The following EPS8 variants were observed in gnomAD, a reference collection of about 807,000 sequenced individuals.
The protein encoded by EPS8 is epidermal growth factor receptor kinase substrate 8.
Under a neutral mutation model 103.8 loss-of-function variants are expected in EPS8, and 42 were observed. The ratio of observed to expected loss-of-function variants is 0.40; its 90% CI spans 0.32 to 0.52. The LOEUF (loss-of-function observed/expected upper bound fraction) is 0.52. Ranked by LOEUF, EPS8 falls within the 20% of genes least tolerant of loss-of-function variation. EPS8 has a pLI of 0.40. For missense variants in EPS8, 969 were observed against 1,005.1 expected (o/e 0.96, Z 0.49); for synonymous variants, 344 against 344.6 (o/e 1.00, Z 0.02).
At chr12:15,763,864 A>G (rs981954567) in intron 1 of EPS8, among the ~76,000 whole-genome samples, 2 of 152,222 alleles carry the variant, frequency 1.3e-5, no homozygotes, top group African/African-American at 2.4e-5. Context: ...ACTTTTTTAC[A>G]AAGGTATACA....
Position 15,757,933 on chromosome 12 carries a change from C to T in EPS8, c.-22+31228G>A, listed in dbSNP as rs529587731. On this transcript the variant is annotated intron_variant, in intron 1 of 20. Transcript: ENST00000281172. The surrounding 1 kb of genome is among the most constrained non-coding windows in gnomAD (Gnocchi z 4.1). ...TCTCAGCTGGAACAGCTATCTGCTC[C>T]TCATGCCTACTCAACTGGAAAACTC... Among the ~76,000 whole-genome samples the T allele has an allele frequency of 1.3e-5, 2 of 152,304 alleles. No individual in the cohort carries two copies. Among genetic ancestry groups the T allele is most frequent in the South Asian group, 4.1e-4 (2 of 4,832 alleles).
intron 13 of EPS8, among the ~76,000 whole-genome samples, chr12:15,652,749 T>A (rs1330578845): frequency 6.6e-6 from 1 of 152,178 alleles, no homozygotes; most frequent in East Asian, 1.9e-4. Context: ...TCAAAGAATT[T>A]TCTGCTTAAC....
rs1247395205 is a variant in EPS8, at chr12:15,700,893, A to AT, written c.-21-17922dup. Among the ~76,000 whole-genome samples the AT allele has an allele frequency of 6.6e-6, 1 of 152,174 alleles. No individual in the cohort carries two copies. Among genetic ancestry groups the AT allele is most frequent in the Non-Finnish European group, 1.5e-5 (1 of 68,024 alleles). On this transcript the variant is annotated intron_variant, in intron 1 of 20. Transcript: ENST00000281172. The surrounding 1 kb of genome is among the most constrained non-coding windows in gnomAD (Gnocchi z 5.1). ...ATCACAAAATAGACAAAGGACATAT[A>AT]TTTTCTAAACCCAGCCAGGTTTCAA... is the stretch of plus-strand genomic sequence containing the variant.
chr12:15,753,341 C>T (rs1457785388), intron 1 of EPS8, among the ~76,000 whole-genome samples: 1 of 152,126 alleles, frequency 6.6e-6, no homozygotes, highest in Non-Finnish European at 1.5e-5. Flanking sequence ...TGGAAGATCT[C>T]GATGAAGCTC....
rs920968385 is a variant in EPS8, at chr12:15,688,191, A to G, written c.-21-5219T>C. ...TTAATGAGCCCCCAGTTCATAAGAC[A>G]TTTTACAAATATCACCTCACTTTAT... is the stretch of plus-strand genomic sequence containing the variant. On this transcript the variant is annotated intron_variant, in intron 1 of 20. Transcript: ENST00000281172. This position sits in a 1 kb window ranked among gnomAD's most constrained non-coding sequence, Gnocchi z 5.1. 1.1e-4 allele frequency among the ~76,000 whole-genome samples: 16 copies of G among 152,210 alleles called. No homozygotes were observed. Among genetic ancestry groups the G allele is most frequent in the Admixed American group, 1.0e-3 (16 of 15,286 alleles).
At chr12:15,651,299 G>C (rs947708964) in intron 13 of EPS8, among the ~76,000 whole-genome samples, 2 of 152,166 alleles carry the variant, frequency 1.3e-5, no homozygotes, top group African/African-American at 4.8e-5. Flanking sequence ...CATGGATATA[G>C]GTTTTTAAAA....
intron 3 of EPS8, among the ~76,000 whole-genome samples, chr12:15,676,142 G>A (rs915770710): frequency 4.0e-5 from 6 of 151,554 alleles, no homozygotes; most frequent in Non-Finnish European, 7.4e-5. Flanking sequence ...GCGTGGTGGC[G>A]GGCGCCTGTA....
intron 1 of EPS8, among the ~76,000 whole-genome samples, chr12:15,753,794 C>T (rs1012221353): frequency 2.0e-5 from 3 of 152,160 alleles, no homozygotes; most frequent in African/African-American, 7.2e-5. Context: ...AAATAAATTC[C>T]ACTCCTGAAT....
At position 15,771,825 on chromosome 12, in the gene EPS8, AT is replaced by A. The variant is rs894550003; in HGVS notation, c.-22+17335del. Among the ~76,000 whole-genome samples the A allele has an allele frequency of 9.2e-5, 14 of 152,172 alleles. No homozygotes were observed. The highest frequency in any genetic ancestry group is 2.7e-4 in the African/African-American group (11 of 41,442). On this transcript the variant is annotated intron_variant, in intron 1 of 20. Coordinates refer to ENST00000281172, the MANE Select transcript of EPS8 (RefSeq NM_004447.6). This position sits in a 1 kb window ranked among gnomAD's most constrained non-coding sequence, Gnocchi z 4.6. ...GTGGCAGTATTGAGAGCTAATTTCA[AT>A]ACAAAAGAAAGGGGAAGGCCGGGGG...
intron 12 of EPS8, among the ~76,000 whole-genome samples, chr12:15,657,672 G>A (rs748863211): frequency 7.2e-4 from 109 of 152,236 alleles, no homozygotes; most frequent in South Asian, 1.9e-3. Context: ...TCGATAAAAA[G>A]AACATGGGTC....
chr12:15,655,687 C>A (rs1945495229), intron 12 of EPS8, among the ~76,000 whole-genome samples: 1 of 152,046 alleles, frequency 6.6e-6, no homozygotes, highest in African/African-American at 2.4e-5. Context: ...CCTGATTTAA[C>A]AGAAGGAAGA....
chr12:15,647,929 T>C (rs1273231975), intron 14 of EPS8, among the ~76,000 whole-genome samples: 1 of 152,148 alleles, frequency 6.6e-6, no homozygotes, highest in African/African-American at 2.4e-5. Flanking sequence ...ATGGGGATGG[T>C]TTTGGGATGA....
At position 15,789,042 on chromosome 12, in the gene EPS8, G is replaced by C. The variant is rs1947340339; in HGVS notation, c.-22+119C>G. 6.6e-6 allele frequency: 1 copy of C among 152,194 alleles called. No homozygotes were observed. Among genetic ancestry groups the C allele is most frequent in the Non-Finnish European group, 1.5e-5 (1 of 68,020 alleles). 9.4% of individuals were successfully genotyped at this position (152,194 alleles called of 1,614,324 possible). On this transcript the variant is annotated intron_variant, in intron 1 of 20. Coordinates refer to ENST00000281172, the MANE Select transcript of EPS8 (RefSeq NM_004447.6). The surrounding 1 kb of genome is among the most constrained non-coding windows in gnomAD (Gnocchi z 6.1). ...CAGTTGAAAGCAGTCAAAGTGAAGGGAGGCGGACGCGGCTCCTGGCACCGC... is the reference window on the plus strand; with the variant it reads ...CAGTTGAAAGCAGTCAAAGTGAAGGCAGGCGGACGCGGCTCCTGGCACCGC...
rs35603291 is a variant in EPS8 at position 15,769,795 on chromosome 12, T to C, written c.-22+19366A>G. ...AAATAAATTGGACACAGTACAAAAA[T>C]TTCCTGAACTTTCTGACCAAAGTCA... On this transcript the variant is annotated intron_variant, in intron 1 of 20. Transcript: ENST00000281172. This position sits in a 1 kb window ranked among gnomAD's most constrained non-coding sequence, Gnocchi z 4.6. Among the ~76,000 whole-genome samples the C allele has an allele frequency of 5.0e-4, 76 of 152,176 alleles. No homozygotes were observed. Among genetic ancestry groups the C allele is most frequent in the Non-Finnish European group, 9.1e-4 (62 of 68,012 alleles).
At chr12:15,670,787 G>T in intron 4 of EPS8, 69 bp downstream of exon 4, 2 of 1,077,524 alleles carry the variant, frequency 1.9e-6, no homozygotes, top group South Asian at 1.5e-5. Flanking sequence ...ACAGAATTCT[G>T]ATTTAACTTC....
At chr12:15,641,997 C>T (rs1945240006) in intron 15 of EPS8, among the ~76,000 whole-genome samples, 167 bp from the exon 16 acceptor site, 2 of 151,918 alleles carry the variant, frequency 1.3e-5, no homozygotes, top group Non-Finnish European at 2.9e-5. Context: ...CTTTAAAGTT[C>T]TTGCTTTTAA....
chr12:15,772,316 C>A lies in EPS8; in HGVS notation c.-22+16845G>T, dbSNP rs1947163392. Among the ~76,000 whole-genome samples the A allele has an allele frequency of 6.6e-6, 1 of 151,964 alleles. No homozygotes were observed. The stretch of plus-strand genomic sequence containing the variant: ...TTTGGGAAATGTGAAGTCTGAGGGG[C>A]CTGTGTGATATTCAGCTTCAGTCAT... On this transcript the variant is annotated intron_variant, in intron 1 of 20. Transcript: ENST00000281172. The surrounding 1 kb of genome is among the most constrained non-coding windows in gnomAD (Gnocchi z 5.0).
chr12:15,766,756 A>G (rs1394833702), intron 1 of EPS8, among the ~76,000 whole-genome samples: 4 of 152,176 alleles, frequency 2.6e-5, no homozygotes, highest in African/African-American at 9.6e-5. Flanking sequence ...AGTTAAAGCT[A>G]AATGAAATTG....
chr12:15,686,374 T>C (rs892709541), intron 1 of EPS8, among the ~76,000 whole-genome samples: 2 of 152,222 alleles, frequency 1.3e-5, no homozygotes, highest in African/African-American at 2.4e-5. Context: ...GATTTTTGAC[T>C]GAGTGGGGGT....
Sources: allele counts gnomAD v4.1 joint callset (sites outside exome capture counted in the v4.1 genomes callset), GRCh38; gene constraint gnomAD v4.1.1; non-coding constraint Gnocchi (gnomAD v3.1); transcripts MANE v1.5; gene names NCBI Gene and HGNC (gene_info 2026-07-23, HGNC 2026-07-21).